LYPD6B: variants seen among roughly 807,000 people sequenced by gnomAD.
The protein encoded by LYPD6B is LY6/PLAUR domain containing 6B, also known as ly6/PLAUR domain-containing protein 6B.
LYPD6B carries 17 observed loss-of-function variants against 22.8 expected under a neutral mutation model. That is an observed-to-expected ratio of 0.75 (90% confidence interval 0.51 to 1.12). LYPD6B has a LOEUF of 1.12. LYPD6B is among the 50% of genes most tolerant of loss of function. The probability of loss-of-function intolerance (pLI) is 0.00; values close to 1 mark genes in which losing one functional copy is unlikely to be tolerated. For missense variants in LYPD6B, 221 were observed against 258.3 expected, an observed-to-expected ratio of 0.86 and a Z score of 0.99; for synonymous variants, 106 against 91.6, an observed-to-expected ratio of 1.16 and a Z score of -0.90.
At chr2:149,062,051 A>G (rs908057922) in intron 1 of LYPD6B, among the ~76,000 whole-genome samples, 1 of 150,682 alleles carries the variant, frequency 6.6e-6, no homozygotes, top group Admixed American at 6.6e-5. Flanking sequence ...GCTCTGCGCC[A>G]TCTCAGCTCA....
At chr2:149,181,421 C>T (rs1347117113) in intron 3 of LYPD6B, among the ~76,000 whole-genome samples, 1 of 152,124 alleles carries the variant, frequency 6.6e-6, no homozygotes, top group Non-Finnish European at 1.5e-5. Flanking sequence ...ATGACAGATG[C>T]ATCTGTGATG....
chr2:149,102,403 TAAAAG>T (rs1686256587), intron 1 of LYPD6B, among the ~76,000 whole-genome samples: 1 of 152,060 alleles, frequency 6.6e-6, no homozygotes, highest in Non-Finnish European at 1.5e-5. Flanking sequence ...AAGAAGCAAA[TAAAAG>T]GGAACATTTG....
At chr2:149,093,050 G>A (rs76497207) in intron 1 of LYPD6B, among the ~76,000 whole-genome samples, 6,657 of 152,192 alleles carry the variant, frequency 0.044, 341 homozygotes, top group African/African-American at 0.13. Context: ...GTTGGAAACA[G>A]TATTCTGAGA....
chr2:149,090,849 G>T (rs1432733896), intron 1 of LYPD6B, among the ~76,000 whole-genome samples: 1 of 152,082 alleles, frequency 6.6e-6, no homozygotes, highest in East Asian at 1.9e-4. Context: ...AATCACAAGG[G>T]TATAAAACCA....
chr2:149,120,361 G>GTGTGTATA (rs796413041), intron 1 of LYPD6B, among the ~76,000 whole-genome samples: 2 of 38,756 alleles, frequency 5.2e-5, no homozygotes, highest in African/African-American at 3.5e-4. Flanking sequence ...GTGTGTGTGT[G>GTGTGTATA]TATATATATA....
intron 1 of LYPD6B, among the ~76,000 whole-genome samples, chr2:149,127,015 T>G (rs1687739270): frequency 1.3e-5 from 2 of 151,884 alleles, no homozygotes; most frequent in African/African-American, 2.4e-5. Flanking sequence ...GTCCATTGAG[T>G]TTTCAGTTTT....
intron 1 of LYPD6B, among the ~76,000 whole-genome samples, chr2:149,079,090 A>G (rs1409543960): frequency 6.6e-6 from 1 of 150,592 alleles, no homozygotes; most frequent in African/African-American, 2.4e-5. Context: ...AAAAAAAAAA[A>G]GACCAGCAAA....
At chr2:149,066,281 C>G (rs1177413270) in intron 1 of LYPD6B, among the ~76,000 whole-genome samples, 1 of 151,856 alleles carries the variant, frequency 6.6e-6, no homozygotes, top group African/African-American at 2.4e-5. Flanking sequence ...CATCCATTAA[C>G]TTGTCATTTA....
At chr2:149,076,977 A>G (rs1018986359) in intron 1 of LYPD6B, among the ~76,000 whole-genome samples, 1 of 152,170 alleles carries the variant, frequency 6.6e-6, no homozygotes, top group African/African-American at 2.4e-5. Context: ...AGTAGGGAGA[A>G]GTGAAAACAT....
chr2:149,167,761 C>A (rs1690526803), intron 3 of LYPD6B, among the ~76,000 whole-genome samples: 1 of 152,122 alleles, frequency 6.6e-6, no homozygotes, highest in Admixed American at 6.5e-5. Context: ...TAATTGCTCC[C>A]CTTTCTTGTT....
chr2:149,197,946 A>G (rs1250903617), intron 3 of LYPD6B, among the ~76,000 whole-genome samples: 1 of 152,182 alleles, frequency 6.6e-6, no homozygotes, highest in African/African-American at 2.4e-5. Flanking sequence ...GGTTCCTACC[A>G]TTTGTCCAAA....
chr2:149,077,714 A>C (rs1684940694), intron 1 of LYPD6B: 1 of 152,242 alleles, frequency 6.6e-6, no homozygotes, highest in African/African-American at 2.4e-5. Flanking sequence ...CTTTTGCCAC[A>C]GTGAAAACTC....
At chr2:149,157,513 T>C (rs1689785585) in intron 2 of LYPD6B, among the ~76,000 whole-genome samples, 1 of 152,200 alleles carries the variant, frequency 6.6e-6, no homozygotes, top group Admixed American at 6.5e-5. Context: ...CAAAGTGGCC[T>C]GAATCCTTTA....
intron 1 of LYPD6B, among the ~76,000 whole-genome samples, chr2:149,070,463 TC>T (rs1340250837): frequency 6.6e-6 from 1 of 152,206 alleles, no homozygotes; most frequent in African/African-American, 2.4e-5. Context: ...TTTATTGATC[TC>T]CTTCCCCCCT....
intron 3 of LYPD6B, among the ~76,000 whole-genome samples, chr2:149,182,521 G>A (rs1031200623): frequency 6.6e-6 from 1 of 152,336 alleles, no homozygotes; most frequent in Admixed American, 6.5e-5. Context: ...ATTTAAAACA[G>A]ACATGGAAGA....
At chr2:149,114,321 T>C (rs1445060394) in intron 1 of LYPD6B, among the ~76,000 whole-genome samples, 2 of 152,252 alleles carry the variant, frequency 1.3e-5, no homozygotes, top group African/African-American at 4.8e-5. Context: ...GAATCTAGGA[T>C]ATACATTTCT....
chr2:149,080,000 C>G (rs1042296436), intron 1 of LYPD6B, among the ~76,000 whole-genome samples: 1 of 152,138 alleles, frequency 6.6e-6, no homozygotes, highest in Non-Finnish European at 1.5e-5. Flanking sequence ...AGGATAGCAC[C>G]GCTTTGTTTA....
chr2:149,082,284 C>T (rs1157931293), intron 1 of LYPD6B, among the ~76,000 whole-genome samples: 3 of 152,150 alleles, frequency 2.0e-5, no homozygotes, highest in Non-Finnish European at 4.4e-5. Flanking sequence ...ATTAGGGAGG[C>T]CCTGGGAGGA....
chr2:149,057,362 T>C (rs991413533), intron 1 of LYPD6B, among the ~76,000 whole-genome samples: 3 of 151,740 alleles, frequency 2.0e-5, no homozygotes, highest in Admixed American at 2.0e-4. Flanking sequence ...TACAAAGTTC[T>C]AGTCTCCCAC....
Sources: allele counts gnomAD v4.1 joint callset (sites outside exome capture counted in the v4.1 genomes callset), GRCh38; gene constraint gnomAD v4.1.1; transcripts MANE v1.5; gene names NCBI Gene and HGNC (gene_info 2026-07-23, HGNC 2026-07-21).